SLC22A3: variants seen among roughly 807,000 people sequenced by gnomAD.
The protein encoded by SLC22A3 is solute carrier family 22 member 3, also known as EMT organic cation transporter 3.
In SLC22A3, 51 loss-of-function variants were observed where a neutral mutation model predicts 59.1. That is an observed-to-expected ratio of 0.86 (90% CI 0.69 to 1.09). The LOEUF is 1.09. Ranked by LOEUF, SLC22A3 falls within the 50% of genes least tolerant of loss-of-function variation. SLC22A3 has a pLI of 0.00. For missense variants in SLC22A3, 711 were observed against 726.3 expected, an observed-to-expected ratio of 0.98 and a Z score of 0.24; for synonymous variants, 325 against 292.0, an observed-to-expected ratio of 1.11 and a Z score of -1.15.
chr6:160,379,454 AC>A (rs1219649175), intron 1 of SLC22A3, among the ~76,000 whole-genome samples: 6 of 152,234 alleles, frequency 3.9e-5, no homozygotes, highest in African/African-American at 1.4e-4. Flanking sequence ...ACTTTTTGCA[AC>A]AGTGAAGTCC....
intron 10 of SLC22A3, among the ~76,000 whole-genome samples, chr6:160,449,723 A>C (rs1788878331): frequency 6.6e-6 from 1 of 152,226 alleles, no homozygotes; most frequent in Non-Finnish European, 1.5e-5. Flanking sequence ...ATATTTCAGC[A>C]TAGGTTCTAT....
rs1787214864 is a variant in SLC22A3, at chr6:160,410,774, A to G, written c.903A>G (p.Gly301=). The change falls in exon 5 of 11, where the codon GGA becomes GGG. Residue 301 remains glycine, a synonymous_variant. Coordinates refer to ENST00000275300, the MANE Select transcript of SLC22A3 (RefSeq NM_021977.4). ...SPRWLITRKK[G]DKALQILRRI... ...GTTGGCTGATTACTCGGAAGAAAGGAGATAAAGCATTACAGATCCTGAGAC... is the reference window on the plus strand; with the variant it reads ...GTTGGCTGATTACTCGGAAGAAAGGGGATAAAGCATTACAGATCCTGAGAC... The G allele has an allele frequency of 6.2e-7, 1 of 1,613,310 alleles. No homozygotes were observed. The highest frequency in any genetic ancestry group is 1.7e-5 in the Admixed American group (1 of 59,948).
chr6:160,374,978 C>T (rs186373196), intron 1 of SLC22A3, among the ~76,000 whole-genome samples: 6 of 152,316 alleles, frequency 3.9e-5, no homozygotes, highest in African/African-American at 7.2e-5. Context: ...AGCAAGAGCA[C>T]GTGCAGACTG....
chr6:160,394,383 G>A (rs948048603), intron 1 of SLC22A3, among the ~76,000 whole-genome samples: 4 of 152,188 alleles, frequency 2.6e-5, no homozygotes, highest in Admixed American at 2.6e-4. Flanking sequence ...CTTTAAACAC[G>A]AAAGATACAT....
chr6:160,410,581 C>T, intron 4 of SLC22A3, 148 bp from the exon 5 acceptor site: 1 of 643,760 alleles, frequency 1.6e-6, no homozygotes, highest in Non-Finnish European at 2.9e-6. Flanking sequence ...CAGGAATAAT[C>T]TGTATTTCAG....
intron 5 of SLC22A3, among the ~76,000 whole-genome samples, chr6:160,429,981 AGT>A (rs1322681139): frequency 6.6e-6 from 1 of 152,142 alleles, no homozygotes; most frequent in Non-Finnish European, 1.5e-5. Flanking sequence ...CTGAAAATAA[AGT>A]AACTCTCAAA....
chr6:160,444,520 G>C (rs1383443774), intron 9 of SLC22A3, among the ~76,000 whole-genome samples: 3 of 152,094 alleles, frequency 2.0e-5, no homozygotes, highest in Non-Finnish European at 4.4e-5. Context: ...ACCTCCTCCA[G>C]GTCCCTCGAG....
At chr6:160,428,533 G>A (rs745408657) in intron 5 of SLC22A3, among the ~76,000 whole-genome samples, 5 of 152,158 alleles carry the variant, frequency 3.3e-5, no homozygotes, top group Non-Finnish European at 5.9e-5. Flanking sequence ...AGTATGGAAC[G>A]CCTCATGAAT....
intron 1 of SLC22A3, among the ~76,000 whole-genome samples, chr6:160,352,661 A>T (rs1428279045): frequency 1.3e-5 from 2 of 152,200 alleles, no homozygotes; most frequent in East Asian, 1.9e-4. Context: ...GGCTGAATCT[A>T]TAAAAACTGA....
chr6:160,363,095 G>C (rs2661836), intron 1 of SLC22A3, among the ~76,000 whole-genome samples: 117,696 of 152,236 alleles, frequency 0.77, 45,615 homozygotes, highest in East Asian at 0.92. Flanking sequence ...AATGCGCACA[G>C]TGTTGCCGAG....
At position 160,407,060 on chromosome 6, in the gene SLC22A3, T is replaced by C. The variant is rs1185714061; in HGVS notation, c.553T>C (p.Tyr185His). The stretch of plus-strand genomic sequence containing the variant: ...AAAAAGGTATGGCAGGATCGTCATT[T>C]ACTTGCTATCCTGCCTTGGTGTTGG... ...AADRYGRIVI[Y>H]LLSCLGVGVT... Residue 185 changes from tyrosine (Y) to histidine (H), a missense_variant, in exon 3 of 11, where the codon TAC (tyrosine) becomes CAC (histidine). Transcript: ENST00000275300. 1.9e-6 allele frequency: 3 copies of C among 1,613,314 alleles called. No homozygotes were observed. The highest frequency in any genetic ancestry group is 1.3e-5 in the African/African-American group (1 of 75,020).
At chr6:160,412,315 A>G (rs1055684746) in intron 5 of SLC22A3, among the ~76,000 whole-genome samples, 5 of 152,104 alleles carry the variant, frequency 3.3e-5, no homozygotes, top group African/African-American at 9.7e-5. Context: ...ATGAGACAAG[A>G]TTGCCCCACT....
At chr6:160,445,003 G>A (rs1222376080) in intron 9 of SLC22A3, among the ~76,000 whole-genome samples, 1 of 152,230 alleles carries the variant, frequency 6.6e-6, no homozygotes, top group Non-Finnish European at 1.5e-5. Flanking sequence ...GTCCAGCAAA[G>A]ACAGAGTAGT....
intron 5 of SLC22A3, among the ~76,000 whole-genome samples, chr6:160,434,243 G>A (rs1261464596): frequency 6.6e-6 from 1 of 152,194 alleles, no homozygotes; most frequent in East Asian, 1.9e-4. Flanking sequence ...ATAAAACAAT[G>A]TTTTAATTAA....
chr6:160,389,794 CA>C (rs1786176826), intron 1 of SLC22A3, among the ~76,000 whole-genome samples: 1 of 152,184 alleles, frequency 6.6e-6, no homozygotes, highest in African/African-American at 2.4e-5. Context: ...GGGCTGAGAG[CA>C]ACAAAACCCA....
At chr6:160,372,356 AGAGAG>A (rs1359001820) in intron 1 of SLC22A3, among the ~76,000 whole-genome samples, 1 of 152,206 alleles carries the variant, frequency 6.6e-6, no homozygotes, top group East Asian at 1.9e-4. Context: ...GGGTTTCTAC[AGAGAG>A]ATCCACTGTT....
chr6:160,398,257 C>G (rs977006242), intron 2 of SLC22A3, among the ~76,000 whole-genome samples, 175 bp downstream of exon 2: 1 of 152,188 alleles, frequency 6.6e-6, no homozygotes, highest in Non-Finnish European at 1.5e-5. Flanking sequence ...CTTTTCTTTT[C>G]AAACTTCATC....
intron 1 of SLC22A3, among the ~76,000 whole-genome samples, chr6:160,385,019 C>A (rs1455165899): frequency 6.6e-6 from 1 of 152,186 alleles, no homozygotes; most frequent in Non-Finnish European, 1.5e-5. Context: ...GTGGGCAGCT[C>A]CCTGCCTCCC....
At chr6:160,422,305 C>G (rs955996102) in intron 5 of SLC22A3, among the ~76,000 whole-genome samples, 5 of 152,190 alleles carry the variant, frequency 3.3e-5, no homozygotes, top group Non-Finnish European at 5.9e-5. Context: ...TGAGAAAACA[C>G]ATTGTCATTC....
Sources: allele counts gnomAD v4.1 joint callset (sites outside exome capture counted in the v4.1 genomes callset), GRCh38; gene constraint gnomAD v4.1.1; transcripts MANE v1.5; gene names NCBI Gene and HGNC (gene_info 2026-07-23, HGNC 2026-07-21).